The following UPRT variants were observed in gnomAD, a reference collection of about 807,000 sequenced individuals.
UPRT encodes the protein RP11-311P8.3.
Under a neutral mutation model 22.6 loss-of-function variants are expected in UPRT, and 5 were observed. The observed-to-expected ratio is 0.22, with a 90% CI of 0.12 to 0.47. UPRT has a LOEUF of 0.47. Ranked by LOEUF, UPRT falls within the 20% of genes least tolerant of loss-of-function variation. The pLI, the probability that UPRT is intolerant of heterozygous loss-of-function variation, is 0.99. For missense variants in UPRT, 181 were observed against 239.9 expected (o/e 0.75, Z 1.62); for synonymous variants, 77 against 87.7 (o/e 0.88, Z 0.68).
chrX:75,224,872 T>C (rs909391045), intron 4 of UPRT, among the ~76,000 whole-genome samples: 13 of 111,526 alleles, frequency 1.2e-4, no homozygotes, highest in African/African-American at 4.2e-4. Flanking sequence ...TTTAAATGCC[T>C]CTACACTCTG....
intron 4 of UPRT, among the ~76,000 whole-genome samples, chrX:75,252,600 T>C (rs1267205846): frequency 1.8e-5 from 2 of 112,063 alleles, no homozygotes; most frequent in Non-Finnish European, 3.8e-5. Context: ...GGTGGGACTG[T>C]AAACTAGTTT....
Position 75,303,329 on chromosome X carries a change from C to T in UPRT, c.824-76C>T. On this transcript the variant is annotated intron_variant, in intron 6 of 6. Transcript: ENST00000373383. ...CTTCTCTCAATTTTAGACCTAGTGG[C>T]AATAACTACAAAATTCCTGAATTAC... The T allele has an allele frequency of 8.2e-6, 6 of 733,819 alleles. No individual in the cohort carries two copies. In the South Asian group the frequency reaches 1.4e-4, roughly 17 times the overall value. The allele number at this position is 733,819 out of a possible 1,213,427, so 60.5% of individuals were successfully genotyped here.
At chrX:75,188,851 C>G (rs888100898) in intron 4 of UPRT, among the ~76,000 whole-genome samples, 1 of 111,979 alleles carries the variant, frequency 8.9e-6, no homozygotes, top group Admixed American at 9.4e-5. Context: ...CTTCGCTTCC[C>G]GAGTGAGGCA....
At chrX:75,299,989 G>A in intron 5 of UPRT, 93 bp downstream of exon 5, 1 of 1,041,413 alleles carries the variant, frequency 9.6e-7, no homozygotes, top group Non-Finnish European at 1.3e-6. Flanking sequence ...AAGGCAAAAA[G>A]AGTTTCTAAA....
intron 4 of UPRT, among the ~76,000 whole-genome samples, chrX:75,194,231 G>C (rs1381151887): frequency 8.9e-6 from 1 of 111,897 alleles, no homozygotes; most frequent in East Asian, 2.8e-4. Context: ...AGGGCCAAAG[G>C]CTCAGCTCAG....
intron 1 of UPRT, among the ~76,000 whole-genome samples, chrX:75,292,131 T>G (rs2082710573): frequency 8.9e-6 from 1 of 112,075 alleles, no homozygotes; most frequent in Non-Finnish European, 1.9e-5. Flanking sequence ...TTCTTTCTTG[T>G]TGAAAAACTA....
chrX:75,245,262 AAAGT>A (rs2082500657), intron 4 of UPRT, among the ~76,000 whole-genome samples: 1 of 105,216 alleles, frequency 9.5e-6, no homozygotes, highest in Non-Finnish European at 1.9e-5. Flanking sequence ...CTATTACTAA[AAAGT>A]AAAAAAAAAA....
intron 4 of UPRT, among the ~76,000 whole-genome samples, chrX:75,250,288 G>C (rs1346423947): frequency 2.7e-5 from 3 of 109,494 alleles, no homozygotes; most frequent in African/African-American, 9.9e-5. Context: ...TTTTTGAAAA[G>C]ATCAACAAAA....
At chrX:75,183,874 G>T (rs762823079) in intron 4 of UPRT, among the ~76,000 whole-genome samples, 76 of 111,961 alleles carry the variant, frequency 6.8e-4, no homozygotes, top group Middle Eastern at 4.6e-3. Context: ...GGGGTTGTTT[G>T]TTTTTTTCTT....
Position 75,191,449 on chromosome X carries a change from G to C in UPRT, c.-447+23570G>C, listed in dbSNP as rs368688035. 8.9e-3 allele frequency among the ~76,000 whole-genome samples: 918 copies of C among 103,048 alleles called. 11 individuals are homozygous for C. Among genetic ancestry groups the C allele is most frequent in the African/African-American group, 0.029 (843 of 28,851 alleles). 89.5% of individuals were successfully genotyped at this position (103,048 alleles called of 115,157 possible). The stretch of plus-strand genomic sequence containing the variant: ...AGGGACCCACTTGAGGAGGCAGTCT[G>C]TCTGTTCTCAGATCTCAAACTCTGT... On this transcript the variant is annotated intron_variant, in intron 4 of 13. Transcript: ENST00000652605.
chrX:75,232,888 TC>T (rs2082444189), intron 4 of UPRT, among the ~76,000 whole-genome samples: 1 of 111,903 alleles, frequency 8.9e-6, no homozygotes, highest in South Asian at 3.7e-4. Context: ...CCTCTCCTCC[TC>T]CAAAGGAACG....
intron 4 of UPRT, among the ~76,000 whole-genome samples, chrX:75,261,293 CA>C (rs1233180963): frequency 1.2e-4 from 13 of 109,126 alleles, no homozygotes; most frequent in African/African-American, 2.0e-4. Flanking sequence ...AAAAACCCTA[CA>C]AAAAAATCAA....
intron 1 of UPRT, among the ~76,000 whole-genome samples, chrX:75,288,372 G>T (rs1002438642): frequency 1.8e-5 from 2 of 111,435 alleles, no homozygotes; most frequent in African/African-American, 6.5e-5. Flanking sequence ...ACCTGGCAAA[G>T]ACACAATGAA....
At chrX:75,205,815 A>T (rs754469355) in intron 4 of UPRT, among the ~76,000 whole-genome samples, 1 of 111,715 alleles carries the variant, frequency 9.0e-6, no homozygotes, top group South Asian at 3.8e-4. Flanking sequence ...GTGTAATGCC[A>T]GCCAAGTATC....
At chrX:75,249,276 G>C (rs1190716439) in intron 4 of UPRT, among the ~76,000 whole-genome samples, 2 of 111,553 alleles carry the variant, frequency 1.8e-5, no homozygotes, top group African/African-American at 6.5e-5. Flanking sequence ...ATTGGATAAA[G>C]AGTCAAGACC....
intron 4 of UPRT, among the ~76,000 whole-genome samples, chrX:75,232,267 C>T (rs373497439): frequency 2.7e-5 from 3 of 112,602 alleles, no homozygotes; most frequent in African/African-American, 9.7e-5. Flanking sequence ...GATTATATCC[C>T]GCACATGGCT....
At chrX:75,173,166 A>G (rs2082234135) in intron 4 of UPRT, among the ~76,000 whole-genome samples, 1 of 112,185 alleles carries the variant, frequency 8.9e-6, no homozygotes, top group South Asian at 3.7e-4. Context: ...GCAGCTAGAC[A>G]CAGAGTGTCG....
At chrX:75,219,985 ATCTG>A (rs1189170895) in intron 4 of UPRT, among the ~76,000 whole-genome samples, 2 of 111,431 alleles carry the variant, frequency 1.8e-5, no homozygotes, top group Admixed American at 9.5e-5. Flanking sequence ...AGCCTGGATG[ATCTG>A]TCTAATGCTG....
chrX:75,167,760 T>G (rs761626224), intron 3 of UPRT, among the ~76,000 whole-genome samples: 17 of 100,621 alleles, frequency 1.7e-4, no homozygotes, highest in Non-Finnish European at 2.7e-4. Context: ...TTGTTTTTTG[T>G]TTTTTTTTTT....
Sources: allele counts gnomAD v4.1 joint callset (sites outside exome capture counted in the v4.1 genomes callset), GRCh38; gene constraint gnomAD v4.1.1; transcripts MANE v1.5; gene names NCBI Gene and HGNC (gene_info 2026-07-23, HGNC 2026-07-21).